The following MECOM variants were observed in gnomAD, a reference collection of about 807,000 sequenced individuals.
MECOM encodes MDS1 and EVI1 complex locus.
In MECOM, 13 loss-of-function variants were observed where a neutral mutation model predicts 116.3. That is an observed-to-expected ratio of 0.11 (90% CI 0.07 to 0.18). The LOEUF (loss-of-function observed/expected upper bound fraction) is 0.18. MECOM is among the 10% of genes least tolerant of loss of function. MECOM has a pLI of 1.00. For synonymous variants in MECOM, 528 were observed against 535.2 expected, an observed-to-expected ratio of 0.99 and a Z score of 0.19; for missense variants, 1,299 against 1,509.0, an observed-to-expected ratio of 0.86 and a Z score of 2.31.
chr3:169,603,441 A>T (rs1390080449), intron 1 of MECOM, among the ~76,000 whole-genome samples: 1 of 152,198 alleles, frequency 6.6e-6, no homozygotes, highest in Non-Finnish European at 1.5e-5. Context: ...AGAAAGAAAA[A>T]TTTTTGTATA....
In MECOM at chr3:169,663,530, C is replaced by CT; in HGVS notation, c.-159_-158insA. On this transcript the variant is annotated 5_prime_UTR_variant, in exon 1 of 17. Transcript: ENST00000651503. Reference sequence around the variant, plus strand: ...TCTCTCTCTCTCTCTCTCTCTCTCTCCCTCCCTCCTGTTTCTCTCCTGTTT... The same window carrying CT: ...TCTCTCTCTCTCTCTCTCTCTCTCTCTCCTCCCTCCTGTTTCTCTCCTGTTT... 2 of 605,936 alleles carry CT rather than the reference C, an allele frequency of 3.3e-6. No homozygotes were observed. Among genetic ancestry groups the CT allele is most frequent in the African/African-American group, 4.3e-5 (2 of 46,572 alleles). 37.5% of individuals were successfully genotyped at this position (605,936 alleles called of 1,614,324 possible).
chr3:169,123,919 CATT>C (rs1429376733), intron 5 of MECOM, among the ~76,000 whole-genome samples: 3 of 152,036 alleles, frequency 2.0e-5, no homozygotes, highest in Non-Finnish European at 4.4e-5. Flanking sequence ...AAAGCCAAAT[CATT>C]ATTCCTAAAA....
chr3:169,556,608 A>G (rs1280403398), intron 1 of MECOM, among the ~76,000 whole-genome samples: 1 of 152,128 alleles, frequency 6.6e-6, no homozygotes, highest in African/African-American at 2.4e-5. Flanking sequence ...CAGTGACTCA[A>G]TTCTAACAAG....
At chr3:169,663,022 C>T (rs1204120359) in intron 1 of MECOM, among the ~76,000 whole-genome samples, 1 of 137,448 alleles carries the variant, frequency 7.3e-6, no homozygotes, top group Non-Finnish European at 1.6e-5. Context: ...CGCTCACTCT[C>T]GCGCTCTCTC....
At chr3:169,160,244 A>G (rs913787352) in intron 2 of MECOM, among the ~76,000 whole-genome samples, 8 of 152,284 alleles carry the variant, frequency 5.3e-5, no homozygotes, top group African/African-American at 1.9e-4. Context: ...ACACTAAGCC[A>G]GGAATTGCAA....
chr3:169,305,420 A>G (rs1387764180), intron 2 of MECOM, among the ~76,000 whole-genome samples: 1 of 152,190 alleles, frequency 6.6e-6, no homozygotes, highest in Non-Finnish European at 1.5e-5. Context: ...GGGGCTGGAA[A>G]AAAAATCCCA....
At chr3:169,351,259 A>G (rs1033154034) in intron 2 of MECOM, among the ~76,000 whole-genome samples, 1 of 151,880 alleles carries the variant, frequency 6.6e-6, no homozygotes, top group Non-Finnish European at 1.5e-5. Context: ...ATCAAATCTT[A>G]ACATATTTTT....
At chr3:169,403,665 A>G (rs1349456199) in intron 1 of MECOM, among the ~76,000 whole-genome samples, 1 of 152,206 alleles carries the variant, frequency 6.6e-6, no homozygotes, top group East Asian at 1.9e-4. Context: ...CCTTTTAGGG[A>G]GGGCTTGTGT....
intron 2 of MECOM, among the ~76,000 whole-genome samples, chr3:169,214,440 A>AAAC (rs1751171846): frequency 6.6e-6 from 1 of 151,880 alleles, no homozygotes; most frequent in Non-Finnish European, 1.5e-5. Flanking sequence ...AAAAAAAAAA[A>AAAC]AACAAACTCA....
chr3:169,130,314 C>G (rs971389390), intron 4 of MECOM, among the ~76,000 whole-genome samples: 4 of 152,158 alleles, frequency 2.6e-5, no homozygotes, highest in Non-Finnish European at 5.9e-5. Context: ...TCTAAGAACT[C>G]CTTGCTGCCG....
At chr3:169,504,928 T>C (rs928820133) in intron 1 of MECOM, among the ~76,000 whole-genome samples, 3 of 152,202 alleles carry the variant, frequency 2.0e-5, no homozygotes, top group African/African-American at 4.8e-5. Context: ...GCTGATTGCA[T>C]CTGCATTTTT....
At chr3:169,165,141 T>C (rs1419044330) in intron 2 of MECOM, among the ~76,000 whole-genome samples, 1 of 152,192 alleles carries the variant, frequency 6.6e-6, no homozygotes, top group Non-Finnish European at 1.5e-5. Flanking sequence ...AAGACACATA[T>C]AGATACATGT....
At chr3:169,399,893 A>G (rs1735603850) in intron 1 of MECOM, among the ~76,000 whole-genome samples, 1 of 152,188 alleles carries the variant, frequency 6.6e-6, no homozygotes, top group African/African-American at 2.4e-5. Context: ...TGAAGAATCT[A>G]AATTTTCTTA....
intron 1 of MECOM, among the ~76,000 whole-genome samples, chr3:169,537,915 A>G (rs972705480): frequency 2.0e-5 from 3 of 152,188 alleles, no homozygotes; most frequent in Non-Finnish European, 4.4e-5. Context: ...TTATAATTAT[A>G]AAACGATTAC....
intron 10 of MECOM, among the ~76,000 whole-genome samples, chr3:169,103,214 C>G (rs1724188177): frequency 6.6e-6 from 1 of 151,708 alleles, no homozygotes; most frequent in African/African-American, 2.4e-5. Context: ...ATCCTTCCAC[C>G]TGCTTCGGTC....
At chr3:169,548,024 G>C (rs1472956333) in intron 1 of MECOM, among the ~76,000 whole-genome samples, 1 of 152,160 alleles carries the variant, frequency 6.6e-6, no homozygotes, top group Non-Finnish European at 1.5e-5. Context: ...GGAGACATCA[G>C]TACCAATGTA....
At chr3:169,149,432 G>A in intron 2 of MECOM, 2 of 181,340 alleles carry the variant, frequency 1.1e-5, no homozygotes, top group South Asian at 1.8e-4. Context: ...TTCGGGTGGG[G>A]GGAGGCGGAG....
intron 2 of MECOM, among the ~76,000 whole-genome samples, chr3:169,308,672 A>AT (rs772712291): frequency 2.0e-5 from 3 of 152,182 alleles, no homozygotes; most frequent in Non-Finnish European, 4.4e-5. Flanking sequence ...ACATGCTATT[A>AT]TTTTTTATCC....
intron 2 of MECOM, among the ~76,000 whole-genome samples, chr3:169,372,834 AG>A (rs1029581407): frequency 8.5e-5 from 13 of 152,078 alleles, no homozygotes; most frequent in African/African-American, 2.9e-4. Flanking sequence ...AAATAAACTG[AG>A]GGGCAGATAA....
Sources: gnomAD v4.1 joint callset for allele counts (sites outside exome capture counted in the v4.1 genomes callset) on GRCh38, gnomAD v4.1.1 for gene constraint, MANE v1.5 for transcripts, NCBI Gene and HGNC (gene_info 2026-07-23, HGNC 2026-07-21) for gene names.